CTAGE9: variants seen among roughly 807,000 people sequenced by gnomAD.
CTAGE9 encodes the protein CTAGE family member 9.
For missense variants in CTAGE9, 248 were observed against 884.0 expected (o/e 0.28, Z 9.12); for synonymous variants, 107 against 315.9 (o/e 0.34, Z 7.01).
Position 131,709,298 on chromosome 6 carries a change from TG to T in CTAGE9, c.1719del (p.Asn574MetfsTer11). 1 of 1,150,482 alleles carries T rather than the reference TG, an allele frequency of 8.7e-7. No homozygotes were observed. Among genetic ancestry groups the T allele is most frequent in the Non-Finnish European group, 1.2e-6 (1 of 853,094 alleles). 71.3% of individuals were successfully genotyped at this position (1,150,482 alleles called of 1,614,324 possible). A position where few individuals can be genotyped will look rare whatever the true frequency, so the allele number is the denominator to read the frequency against. The part of the protein sequence containing the change: ...SPGNPLDHQI[T>X]NERGEPSYDR... ...TCATAGCTTGGTTCTCCTCTTTCAT[TG>T]GTAATCTGATGGTCCAGGGGATTCC... On this transcript the variant is annotated frameshift_variant, in exon 1 of 1. Transcript: ENST00000314099. LOFTEE classifies it low-confidence loss of function (END_TRUNC).
rs1779721788 is a variant in CTAGE9, at chr6:131,709,316, G to A, written c.1702C>T (p.Leu568=). The A allele has an allele frequency of 8.0e-7, 1 of 1,255,956 alleles. No homozygotes were observed. The highest frequency in any genetic ancestry group is 1.1e-6 in the Non-Finnish European group (1 of 934,686). 77.8% of individuals were successfully genotyped at this position (1,255,956 alleles called of 1,614,324 possible). ...GRGPSSPGNP[L]DHQITNERGE... ...CTTTCATTGGTAATCTGATGGTCCAGGGGATTCCCTGGGCTGCTTGGGCCT... is the reference window on the plus strand; with the variant it reads ...CTTTCATTGGTAATCTGATGGTCCAAGGGATTCCCTGGGCTGCTTGGGCCT... The change falls in exon 1 of 1, where the codon CTG becomes TTG. Residue 568 remains leucine, a synonymous_variant. Coordinates refer to ENST00000314099, the MANE Select transcript of CTAGE9 (RefSeq NM_001145659.1).
In CTAGE9 at chr6:131,710,784, A is replaced by T. The variant is rs1364677868; in HGVS notation, c.234T>A (p.Leu78=). The change falls in exon 1 of 1, where the codon CTT becomes CTA. Residue 78 remains leucine (L), a synonymous_variant. Coordinates refer to ENST00000314099, the MANE Select transcript of CTAGE9 (RefSeq NM_001145659.1). ...CAATTAGTCCAGAAAGCGTTGCACC[A>T]AGTTTTTGCTCTCTTCCCACATAAA... ...SRLYVGREQK[L]GATLSGLIEE... The T allele has an allele frequency of 1.9e-6, 3 of 1,613,206 alleles. No homozygotes were observed. Among genetic ancestry groups the T allele is most frequent in the Admixed American group, 1.7e-5 (1 of 59,954 alleles).
Position 131,709,581 on chromosome 6 carries a change from T to C in CTAGE9, c.1437A>G (p.Leu479=). The change falls in exon 1 of 1, where the codon TTA becomes TTG. Residue 479 remains leucine (L), a synonymous_variant. Transcript: ENST00000314099. The stretch of plus-strand genomic sequence containing the variant: ...GTTTGTTGTGAGCATTTTCTTTCCT[T>C]AAATCACTGAGGTTTCTTTCAGCAG... The part of the protein sequence containing the change: ...ARTAERNLSD[L]RKENAHNKQK... 6.2e-7 allele frequency: 1 copy of C among 1,613,694 alleles called. No individual in the cohort carries two copies. The highest frequency in any genetic ancestry group is 1.7e-5 in the Admixed American group (1 of 59,984).
chr6:131,710,059 T>C lies in CTAGE9; in HGVS notation c.959A>G (p.His320Arg), dbSNP rs1174824024. 1.2e-6 allele frequency: 2 copies of C among 1,613,130 alleles called. No homozygotes were observed. Among genetic ancestry groups the C allele is most frequent in the East Asian group, 2.2e-5 (1 of 44,866 alleles). Residue 320 changes from histidine (H) to arginine (R), a missense_variant, in exon 1 of 1, where the codon CAT becomes CGT. Physicochemically the swap from His to Arg is conservative, Grantham distance 29. Transcript: ENST00000314099. ...TAAAGAAACATTTAACTTAGCAGCA[T>C]GAATCAGTTTCTTCAAAGCTCCTTT... ...PPKGALKKLI[H>R]AAKLNVSLKS...
chr6:131,710,629 G>T lies in CTAGE9; in HGVS notation c.389C>A (p.Ala130Glu). ...GGACCTGCTCAGCTTTTCACAGGTT[G>T]CCTCCAAACTTCGTGCTTCTTCTGC... The part of the protein sequence containing the change: ...AAAEEARSLE[A>E]TCEKLSRSNS... Residue 130 changes from alanine (A) to glutamate (E), a missense_variant, in exon 1 of 1, where the codon GCA (alanine) becomes GAA (glutamate). Coordinates refer to ENST00000314099, the MANE Select transcript of CTAGE9 (RefSeq NM_001145659.1). The T allele has an allele frequency of 6.2e-7, 1 of 1,613,246 alleles. No individual in the cohort carries two copies. The highest frequency in any genetic ancestry group is 8.5e-7 in the Non-Finnish European group (1 of 1,179,880).
chr6:131,709,679 T>C lies in CTAGE9; in HGVS notation c.1339A>G (p.Thr447Ala), dbSNP rs1290616255. 6.2e-7 allele frequency: 1 copy of C among 1,613,294 alleles called. No individual in the cohort carries two copies. The highest frequency in any genetic ancestry group is 1.7e-5 in the Admixed American group (1 of 59,934). Residue 447 changes from threonine (T) to alanine (A), a missense_variant, in exon 1 of 1, where the codon ACT becomes GCT. Physicochemically the swap from Thr to Ala is moderately conservative, Grantham distance 58. Coordinates refer to ENST00000314099, the MANE Select transcript of CTAGE9 (RefSeq NM_001145659.1). The stretch of plus-strand genomic sequence containing the variant: ...ACCTGCTTTTGATAAAAATGAACAG[T>C]TCTCTCCAATTCTTCTTCAAGATCT... ...AKDLEEELER[T>A]VHFYQKQVIS...
In CTAGE9 at chr6:131,710,978, G is replaced by A. The variant is rs780150813; in HGVS notation, c.40C>T (p.Leu14=). The change falls in exon 1 of 1, where the codon CTG becomes TTG. Residue 14 remains leucine (L), a synonymous_variant. Coordinates refer to ENST00000314099, the MANE Select transcript of CTAGE9 (RefSeq NM_001145659.1). ...PGATPQPYLG[L]VLEELGRVVA... ...ACTCTGCCTAGCTCCTCCAGGACCA[G>A]CCCCAGGTAGGGCTGAGGGGTAGCA... is the stretch of plus-strand genomic sequence containing the variant. 1.5e-5 allele frequency: 24 copies of A among 1,566,306 alleles called. 5 individuals are homozygous for A. The Admixed American group carries it at 4.5e-4, about 29-fold the overall frequency.
At position 131,708,839 on chromosome 6, in the gene CTAGE9, C is replaced by T; in HGVS notation, c.2179G>A (p.Gly727Arg). 6.2e-7 allele frequency: 1 copy of T among 1,609,376 alleles called. No individual in the cohort carries two copies. ...RGPPFPPPPP[G>R]TMFGASRGYF... ...CCTCGAGAAGCTCCAAACATGGTTCCTGGAGGAGGTGGGGGGAAAGGAGGT... is the reference window on the plus strand; with the variant it reads ...CCTCGAGAAGCTCCAAACATGGTTCTTGGAGGAGGTGGGGGGAAAGGAGGT... Residue 727 changes from glycine (G) to arginine (R), a missense_variant, in exon 1 of 1, where the codon GGA becomes AGA. Gly to Arg is a moderately radical substitution (Grantham distance 125). Coordinates refer to ENST00000314099, the MANE Select transcript of CTAGE9 (RefSeq NM_001145659.1).
Position 131,710,021 on chromosome 6 carries a change from C to T in CTAGE9, c.997G>A (p.Gly333Arg), listed in dbSNP as rs1205427668. The change falls in exon 1 of 1, where the codon GGA (glycine) becomes AGA (arginine). Residue 333 changes from glycine to arginine, a missense_variant. Coordinates refer to ENST00000314099, the MANE Select transcript of CTAGE9 (RefSeq NM_001145659.1). ...KLNVSLKSLE[G>R]ERNHIIIQLS... Reference sequence around the variant, plus strand: ...TGAATAATAATGTGGTTTCTTTCTCCTTCTAAGCTTTTTAAAGAAACATTT... The same window carrying T: ...TGAATAATAATGTGGTTTCTTTCTCTTTCTAAGCTTTTTAAAGAAACATTT... 1 of 1,609,234 alleles carries T rather than the reference C, an allele frequency of 6.2e-7. No individual in the cohort carries two copies. Among genetic ancestry groups the T allele is most frequent in the Non-Finnish European group, 8.5e-7 (1 of 1,178,470 alleles).
At position 131,709,708 on chromosome 6, in the gene CTAGE9, G is replaced by T; in HGVS notation, c.1310C>A (p.Ala437Asp). The T allele has an allele frequency of 6.2e-7, 1 of 1,613,696 alleles. No homozygotes were observed. The highest frequency in any genetic ancestry group is 8.5e-7 in the Non-Finnish European group (1 of 1,179,868). ...TEELETYRKLAKDLEEELERT... is the reference protein window; with the variant it reads ...TEELETYRKLDKDLEEELERT... Reference sequence around the variant, plus strand: ...CTCCAATTCTTCTTCAAGATCTTTGGCTAGCTTTCTATAGGTCTCCAGCTC... The same window carrying T: ...CTCCAATTCTTCTTCAAGATCTTTGTCTAGCTTTCTATAGGTCTCCAGCTC... The change falls in exon 1 of 1, where the codon GCC (alanine) becomes GAC (aspartate). Residue 437 changes from alanine (A) to aspartate (D), a missense_variant. Physicochemically the swap from Ala to Asp is moderately radical, Grantham distance 126. Transcript: ENST00000314099.
In CTAGE9 at chr6:131,709,681, C is replaced by G. The variant is rs753832224; in HGVS notation, c.1337G>C (p.Arg446Thr). ...CTGCTTTTGATAAAAATGAACAGTT[C>G]TCTCCAATTCTTCTTCAAGATCTTT... ...LAKDLEEELE[R>T]TVHFYQKQVI... The change falls in exon 1 of 1, where the codon AGA becomes ACA. Residue 446 changes from arginine (R) to threonine (T), a missense_variant. By Grantham distance (71) the Arg-to-Thr change is moderately conservative (BLOSUM62 -1). Coordinates refer to ENST00000314099, the MANE Select transcript of CTAGE9 (RefSeq NM_001145659.1). 1.9e-6 allele frequency: 3 copies of G among 1,613,376 alleles called. No individual in the cohort carries two copies. The South Asian group carries it at 3.3e-5, about 18-fold the overall frequency.
rs1779692766 is a variant in CTAGE9 at position 131,708,501 on chromosome 6, C to T, written c.*183G>A. Among the ~76,000 whole-genome samples, 1 of 152,232 alleles carries T rather than the reference C, an allele frequency of 6.6e-6. No individual in the cohort carries two copies. Among genetic ancestry groups the T allele is most frequent in the African/African-American group, 2.4e-5 (1 of 41,426 alleles). On this transcript the variant is annotated 3_prime_UTR_variant, in exon 1 of 1. Coordinates refer to ENST00000314099, the MANE Select transcript of CTAGE9 (RefSeq NM_001145659.1). ...TCCTGAGAACTATTATTCCATTAAACTTCAATTTGAGAAAAGTGCAATCAC... is the reference window on the plus strand; with the variant it reads ...TCCTGAGAACTATTATTCCATTAAATTTCAATTTGAGAAAAGTGCAATCAC...
At position 131,711,012 on chromosome 6, in the gene CTAGE9, C is replaced by G. The variant is rs903151815; in HGVS notation, c.6G>C (p.Glu2Asp). Residue 2 changes from glutamate (E) to aspartate (D), a missense_variant, in exon 1 of 1, where the codon GAG becomes GAC. Transcript: ENST00000314099. M[E>D]EPGATPQPYL... Reference sequence around the variant, plus strand: ...AGGGCTGAGGGGTAGCACCAGGCTCCTCCATAGCGTCGAGGCTGCTCTGGC... The same window carrying G: ...AGGGCTGAGGGGTAGCACCAGGCTCGTCCATAGCGTCGAGGCTGCTCTGGC... 1 of 1,592,084 alleles carries G rather than the reference C, an allele frequency of 6.3e-7. No homozygotes were observed. Among genetic ancestry groups the G allele is most frequent in the African/African-American group, 1.6e-5 (1 of 63,688 alleles).
In CTAGE9 at chr6:131,709,793, G is replaced by A. The variant is rs761283781; in HGVS notation, c.1225C>T (p.Arg409Ter). ...GAAAGCTTCTCTTCTTCCTCTATTCGGTAATTTTCCTCCACTGTTAATTTC... is the reference window on the plus strand; with the variant it reads ...GAAAGCTTCTCTTCTTCCTCTATTCAGTAATTTTCCTCCACTGTTAATTTC... Reference protein sequence around the residue: ...YRKLTVEENYRIEEEEKLSRV... With the variant: ...YRKLTVEENY Residue 409 changes from arginine (R) to a stop codon, truncating the protein, a stop_gained, in exon 1 of 1, where the codon CGA becomes TGA. Transcript: ENST00000314099. LOFTEE classifies it low-confidence loss of function (END_TRUNC). 2.7e-5 allele frequency: 43 copies of A among 1,612,722 alleles called. No individual in the cohort carries two copies. The highest frequency in any genetic ancestry group is 4.4e-5 in the South Asian group (4 of 90,998).
Position 131,710,667 on chromosome 6 carries a change from A to C in CTAGE9, c.351T>G (p.Phe117Leu). The change falls in exon 1 of 1, where the codon TTT becomes TTG. Residue 117 changes from phenylalanine to leucine, a missense_variant. Phe to Leu is a conservative substitution (Grantham distance 22). Coordinates refer to ENST00000314099, the MANE Select transcript of CTAGE9 (RefSeq NM_001145659.1). ...GTGCTTCTTCTGCTGCCGCCTTCTCAAAGCTGGCATCCTCTAAAGATGACT... is the reference window on the plus strand; with the variant it reads ...GTGCTTCTTCTGCTGCCGCCTTCTCCAAGCTGGCATCCTCTAAAGATGACT... ...EVESSLEDAS[F>L]EKAAAEEARS... 1 of 1,611,836 alleles carries C rather than the reference A, an allele frequency of 6.2e-7. No homozygotes were observed. Among genetic ancestry groups the C allele is most frequent in the Non-Finnish European group, 8.5e-7 (1 of 1,179,806 alleles).
rs1779709454 is a variant in CTAGE9, at chr6:131,708,916, A to T, written c.2102T>A (p.Ile701Asn). The change falls in exon 1 of 1, where the codon ATC becomes AAC. Residue 701 changes from isoleucine (I) to asparagine (N), a missense_variant. By Grantham distance (149) the Ile-to-Asn change is moderately radical (BLOSUM62 -3). Transcript: ENST00000314099. ...PGLIPPPLAP[I>N]SGPLFPVDTR... ...ATCCACTGGAAACAATGGACCGCTG[A>T]TTGGAGCAAGAGGTGGAGGAATAAG... 6.2e-7 allele frequency: 1 copy of T among 1,606,984 alleles called. No individual in the cohort carries two copies. The highest frequency in any genetic ancestry group is 1.7e-5 in the Admixed American group (1 of 59,622).
Position 131,710,382 on chromosome 6 carries a change from A to AGCATCTTT in CTAGE9, c.628_635dup (p.Leu213LysfsTer4). Reference sequence around the variant, plus strand: ...TCTGAAGTTGAGAATTTTCATTCAAAGCATCTTTTATTGCTATAGCCCGTC... The same window carrying AGCATCTTT: ...TCTGAAGTTGAGAATTTTCATTCAAAGCATCTTTGCATCTTTTATTGCTATAGCCCGTC... On this transcript the variant is annotated frameshift_variant, in exon 1 of 1. Transcript: ENST00000314099. LOFTEE classifies it low-confidence loss of function (END_TRUNC). 6.6e-7 allele frequency: 1 copy of AGCATCTTT among 1,519,962 alleles called. No individual in the cohort carries two copies. The highest frequency in any genetic ancestry group is 1.2e-5 in the South Asian group (1 of 80,924). The allele number at this position is 1,519,962 out of a possible 1,614,324, so 94.2% of individuals were successfully genotyped here.
Position 131,708,920 on chromosome 6 carries a change from G to C in CTAGE9, c.2098C>G (p.Pro700Ala), listed in dbSNP as rs1238291006. Reference sequence around the variant, plus strand: ...ACTGGAAACAATGGACCGCTGATTGGAGCAAGAGGTGGAGGAATAAGGCCA... The same window carrying C: ...ACTGGAAACAATGGACCGCTGATTGCAGCAAGAGGTGGAGGAATAAGGCCA... ...GPGLIPPPLAPISGPLFPVDT... is the reference protein window; with the variant it reads ...GPGLIPPPLAAISGPLFPVDT... The change falls in exon 1 of 1, where the codon CCA becomes GCA. Residue 700 changes from proline to alanine, a missense_variant. By Grantham distance (27) the Pro-to-Ala change is conservative. Transcript: ENST00000314099. The C allele has an allele frequency of 1.9e-6, 3 of 1,606,654 alleles. No individual in the cohort carries two copies. Among genetic ancestry groups the C allele is most frequent in the African/African-American group, 1.4e-5 (1 of 69,166 alleles).
At position 131,710,939 on chromosome 6, in the gene CTAGE9, G is replaced by T; in HGVS notation, c.79C>A (p.Pro27Thr). 2 of 1,573,982 alleles carry T rather than the reference G, an allele frequency of 1.3e-6. No homozygotes were observed. The highest frequency in any genetic ancestry group is 1.7e-6 in the Non-Finnish European group (2 of 1,174,542). Residue 27 changes from proline (P) to threonine (T), a missense_variant, in exon 1 of 1, where the codon CCT (proline) becomes ACT (threonine). Coordinates refer to ENST00000314099, the MANE Select transcript of CTAGE9 (RefSeq NM_001145659.1). ...EELGRVVAAL[P>T]ESMRPDENPY... is the part of the protein sequence containing the mutation. ...TTCTCATCTGGTCTCATACTCTCAG[G>T]TAGTGCTGCCACAACTCTGCCTAGC...
Sources: allele counts gnomAD v4.1 joint callset (sites outside exome capture counted in the v4.1 genomes callset), GRCh38; gene constraint gnomAD v4.1.1; transcripts MANE v1.5; gene names NCBI Gene and HGNC (gene_info 2026-07-23, HGNC 2026-07-21).